Variants in TOM1L2 observed in about 807,000 individuals in gnomAD.
The protein encoded by TOM1L2 is target of myb1 like 2 membrane trafficking protein.
Under a neutral mutation model 67.9 loss-of-function variants are expected in TOM1L2, and 31 were observed. The observed-to-expected ratio is 0.46, with a 90% CI of 0.34 to 0.62. TOM1L2 has a LOEUF of 0.62. Among genes scored for constraint, TOM1L2 ranks in the 20% least tolerant of loss-of-function variants. TOM1L2 has a pLI of 0.01. For synonymous variants in TOM1L2, 256 were observed against 254.0 expected (o/e 1.01, Z -0.07); for missense variants, 606 against 663.5 (o/e 0.91, Z 0.95).
chr17:17,885,052 G>A (rs1037950837), intron 4 of TOM1L2, among the ~76,000 whole-genome samples: 3 of 152,320 alleles, frequency 2.0e-5, no homozygotes, highest in African/African-American at 7.2e-5. Context: ...ACCTATGCAC[G>A]GTGGTGCATC....
intron 10 of TOM1L2, among the ~76,000 whole-genome samples, chr17:17,864,280 G>A (rs1026484276): frequency 1.0e-4 from 15 of 150,382 alleles, no homozygotes; most frequent in Non-Finnish European, 4.4e-5. Context: ...GAGCGATGTC[G>A]GCTCACTGCA....
At chr17:17,851,163 TAAG>T (rs1446008199) in intron 12 of TOM1L2, 10 of 576,298 alleles carry the variant, frequency 1.7e-5, no homozygotes, top group African/African-American at 1.5e-4. Context: ...GTGCAAATGA[TAAG>T]AAGCAGGCTC....
At chr17:17,891,390 G>T (rs997484950) in intron 4 of TOM1L2, among the ~76,000 whole-genome samples, 1 of 152,236 alleles carries the variant, frequency 6.6e-6, no homozygotes, top group Non-Finnish European at 1.5e-5. Context: ...GAGCTGGAAA[G>T]TGTGGAGGGG....
intron 12 of TOM1L2, 46 bp from the exon 13 acceptor site, chr17:17,850,998 G>C (rs552133455): frequency 6.2e-7 from 1 of 1,604,840 alleles, no homozygotes; most frequent in Admixed American, 1.7e-5. Context: ...CACACAGCCA[G>C]CGAGGGGAGA....
intron 4 of TOM1L2, among the ~76,000 whole-genome samples, chr17:17,891,603 C>T (rs533514176): frequency 5.7e-4 from 87 of 152,280 alleles, no homozygotes; most frequent in African/African-American, 1.9e-3. Flanking sequence ...CTGCTGGGCC[C>T]GCCACCCTGC....
At chr17:17,950,082 C>A (rs1187022422) in intron 1 of TOM1L2, among the ~76,000 whole-genome samples, 1 of 152,018 alleles carries the variant, frequency 6.6e-6, no homozygotes, top group Non-Finnish European at 1.5e-5. Context: ...CCATGTTTCT[C>A]GATCTCCTGA....
intron 1 of TOM1L2, among the ~76,000 whole-genome samples, chr17:17,952,388 T>TTC (rs2041245343): frequency 8.8e-6 from 1 of 113,808 alleles, no homozygotes; most frequent in Non-Finnish European, 1.8e-5. Flanking sequence ...TTTTTTTTTT[T>TTC]TTTTTTTTTT....
intron 13 of TOM1L2, among the ~76,000 whole-genome samples, chr17:17,849,752 T>C (rs954179323): frequency 2.5e-4 from 38 of 152,176 alleles, no homozygotes; most frequent in Non-Finnish European, 5.0e-4. Context: ...ACTGGACACA[T>C]CCCCTCCCTG....
intron 1 of TOM1L2, among the ~76,000 whole-genome samples, chr17:17,963,591 G>T (rs2041774606): frequency 1.3e-5 from 2 of 152,278 alleles, no homozygotes; most frequent in Admixed American, 1.3e-4. Context: ...AGATAAGTAT[G>T]CACAGCACTC....
chr17:17,898,695 A>G (rs774432293), intron 2 of TOM1L2, 21 bp from the exon 3 acceptor site: 1 of 1,613,942 alleles, frequency 6.2e-7, no homozygotes, highest in Non-Finnish European at 8.5e-7. Context: ...GAACAGACAT[A>G]TAAAGATACT....
At position 17,847,446 on chromosome 17, in the gene TOM1L2, A is replaced by G; in HGVS notation, c.*189T>C. 1 of 699,798 alleles carries G rather than the reference A, an allele frequency of 1.4e-6. No homozygotes were observed. The highest frequency in any genetic ancestry group is 1.8e-5 in the African/African-American group (1 of 55,656). 43.3% of individuals were successfully genotyped at this position (699,798 alleles called of 1,614,324 possible). A position where few individuals can be genotyped will look rare whatever the true frequency, so the allele number is the denominator to read the frequency against. On this transcript the variant is annotated 3_prime_UTR_variant, in exon 15 of 15. Coordinates refer to ENST00000379504, the MANE Select transcript of TOM1L2 (RefSeq NM_001082968.2). ...AGTCTCTGGCTGCAGTTGTCCCACC[A>G]CTCAGAGAAAAGAAGTGGCTGAAGC...
At chr17:17,911,376 A>C (rs912466283) in intron 1 of TOM1L2, among the ~76,000 whole-genome samples, 3 of 152,310 alleles carry the variant, frequency 2.0e-5, no homozygotes, top group African/African-American at 7.2e-5. Context: ...GGCCATTAGC[A>C]TATCACCAGA....
rs757751528 is a variant in TOM1L2 at position 17,847,785 on chromosome 17, T to C, written c.1376-2A>G. On this transcript the variant is annotated splice_acceptor_variant, in intron 14 of 14. Transcript: ENST00000379504. LOFTEE classifies it high-confidence loss of function. ...TTTCTTCAAGGAATTTATCAAACTC[T>C]GCAATACAAACCAAGGCAAGGGTCA... The C allele has an allele frequency of 6.2e-7, 1 of 1,613,946 alleles. No individual in the cohort carries two copies. The highest frequency in any genetic ancestry group is 8.5e-7 in the Non-Finnish European group (1 of 1,179,954).
At chr17:17,957,947 G>A (rs1157709226) in intron 1 of TOM1L2, among the ~76,000 whole-genome samples, 2 of 151,892 alleles carry the variant, frequency 1.3e-5, no homozygotes, top group African/African-American at 2.4e-5. Context: ...AAAATTAGCC[G>A]GGCGTGGTGG....
At chr17:17,866,707 CA>C (rs1387022930) in intron 9 of TOM1L2, among the ~76,000 whole-genome samples, 168 bp downstream of exon 9, 5 of 152,208 alleles carry the variant, frequency 3.3e-5, no homozygotes, top group African/African-American at 9.6e-5. Context: ...ACCTTCCCAT[CA>C]GGGGTGCCTG....
intron 1 of TOM1L2, among the ~76,000 whole-genome samples, chr17:17,955,325 CTTTTTTTTTTTTT>C (rs67575563): frequency 9.2e-6 from 1 of 108,146 alleles, no homozygotes; most frequent in Admixed American, 1.1e-4. Context: ...CACACAATTC[CTTTTTTTTTTTTT>C]TTTTTTTTTT....
intron 7 of TOM1L2, among the ~76,000 whole-genome samples, chr17:17,876,032 G>C (rs559834965): frequency 3.9e-5 from 6 of 152,312 alleles, no homozygotes; most frequent in African/African-American, 1.2e-4. Context: ...CTGATGAACG[G>C]CCACAGAAGA....
At chr17:17,850,190 C>T (rs1457388312) in intron 13 of TOM1L2, among the ~76,000 whole-genome samples, 1 of 152,192 alleles carries the variant, frequency 6.6e-6, no homozygotes, top group Non-Finnish European at 1.5e-5. Context: ...TCCCAGAGTG[C>T]ACTTCTTCAT....
At chr17:17,889,651 A>G (rs2038174709) in intron 4 of TOM1L2, among the ~76,000 whole-genome samples, 1 of 152,206 alleles carries the variant, frequency 6.6e-6, no homozygotes, top group Non-Finnish European at 1.5e-5. Flanking sequence ...TTACCTTGAA[A>G]GCTTTTCAAG....
Sources: allele counts gnomAD v4.1 joint callset (sites outside exome capture counted in the v4.1 genomes callset), GRCh38; gene constraint gnomAD v4.1.1; transcripts MANE v1.5; gene names NCBI Gene and HGNC (gene_info 2026-07-23, HGNC 2026-07-21).